SLC39A11: variants seen among roughly 807,000 people sequenced by gnomAD.
The protein encoded by SLC39A11 is solute carrier family 39 member 11.
SLC39A11 carries 33 observed loss-of-function variants against 36.1 expected under a neutral mutation model. The observed-to-expected ratio is 0.91, with a 90% CI of 0.69 to 1.22. The LOEUF is 1.22. SLC39A11 is among the 50% of genes most tolerant of loss of function. SLC39A11 has a pLI of 0.00. For missense variants in SLC39A11, 432 were observed against 430.3 expected (o/e 1.00, Z -0.03); for synonymous variants, 166 against 170.3 (o/e 0.97, Z 0.20).
intron 5 of SLC39A11, among the ~76,000 whole-genome samples, chr17:72,854,694 A>G (rs1045016168): frequency 2.0e-5 from 3 of 152,160 alleles, no homozygotes; most frequent in African/African-American, 7.2e-5. Context: ...CTTATAATTG[A>G]GCATCTAAGA....
At chr17:72,777,457 TA>T (rs1011559908) in intron 6 of SLC39A11, among the ~76,000 whole-genome samples, 7 of 152,202 alleles carry the variant, frequency 4.6e-5, no homozygotes, top group Non-Finnish European at 5.9e-5. Context: ...CATACTGGAT[TA>T]GGGTGGGTCC....
intron 5 of SLC39A11, among the ~76,000 whole-genome samples, chr17:72,905,866 G>A (rs2082631964): frequency 6.6e-6 from 1 of 151,936 alleles, no homozygotes; most frequent in South Asian, 2.1e-4. Context: ...CCATTCTCCT[G>A]CCTCAGCCTC....
In SLC39A11 at chr17:72,883,536, C is replaced by T. The variant is rs368444595; in HGVS notation, c.431-33732G>A. 4.8e-4 allele frequency among the ~76,000 whole-genome samples: 73 copies of T among 152,224 alleles called. 1 individual carries two copies. The highest frequency in any genetic ancestry group is 1.6e-3 in the African/African-American group (67 of 41,548). On this transcript the variant is annotated intron_variant, in intron 5 of 9. Coordinates refer to ENST00000255559, the MANE Select transcript of SLC39A11 (RefSeq NM_139177.4). ...GGCAGAAGCTAGCCAGTTAATTACA[C>T]GGAATCTGGGAAGGCAGGTTCTAGT...
chr17:72,786,651 GCT>G (rs57595422), intron 6 of SLC39A11, among the ~76,000 whole-genome samples: 8,174 of 152,162 alleles, frequency 0.054, 292 homozygotes, highest in African/African-American at 0.1. Context: ...GCAGCTTCTA[GCT>G]CTGTCTTAGA....
chr17:72,849,846 G>T, intron 5 of SLC39A11, 42 bp from the exon 6 acceptor site: 1 of 1,484,596 alleles, frequency 6.7e-7, no homozygotes, highest in South Asian at 1.4e-5. Context: ...GAAAGACAGC[G>T]CTTTGAACAT....
At chr17:72,949,144 C>CTTGTTTTTTTTTTTTTTT (rs2085661941) in intron 4 of SLC39A11, among the ~76,000 whole-genome samples, 1 of 36,474 alleles carries the variant, frequency 2.7e-5, no homozygotes, top group Non-Finnish European at 5.4e-5. Context: ...CACTGGGCAG[C>CTTGTTTTTTTTTTTTTTT]TTTTTTTTTT....
intron 7 of SLC39A11, among the ~76,000 whole-genome samples, chr17:72,689,779 A>C (rs1432247513): frequency 6.6e-6 from 1 of 152,214 alleles, no homozygotes; most frequent in Non-Finnish European, 1.5e-5. Flanking sequence ...TGTGGTTGCC[A>C]AAGGCTGTGG....
At chr17:72,665,777 CTCTT>C (rs938971665) in intron 7 of SLC39A11, among the ~76,000 whole-genome samples, 126 of 152,176 alleles carry the variant, frequency 8.3e-4, no homozygotes, top group Middle Eastern at 3.4e-3. Context: ...CCTAGTCTTT[CTCTT>C]TCTTTTTCTT....
intron 6 of SLC39A11, among the ~76,000 whole-genome samples, chr17:72,807,541 T>C (rs1334709626): frequency 2.0e-5 from 3 of 152,168 alleles, no homozygotes; most frequent in South Asian, 2.1e-4. Flanking sequence ...GCTAGAATTA[T>C]CAACCCCACC....
chr17:72,878,690 C>T (rs1032775329), intron 5 of SLC39A11, among the ~76,000 whole-genome samples: 3 of 152,134 alleles, frequency 2.0e-5, no homozygotes, highest in Admixed American at 6.5e-5. Flanking sequence ...TTTTTCCCTA[C>T]TCTCATATAA....
intron 5 of SLC39A11, among the ~76,000 whole-genome samples, chr17:72,884,335 A>C (rs1459405203): frequency 6.6e-6 from 1 of 152,208 alleles, no homozygotes; most frequent in East Asian, 1.9e-4. Context: ...TCTAAATTTC[A>C]TTTCAAACAA....
At chr17:72,740,317 A>C (rs907653315) in intron 6 of SLC39A11, among the ~76,000 whole-genome samples, 1 of 151,974 alleles carries the variant, frequency 6.6e-6, no homozygotes, top group Non-Finnish European at 1.5e-5. Flanking sequence ...TGCCCACCTC[A>C]GCCTCCCAAA....
At chr17:72,667,661 A>G (rs1274411333) in intron 7 of SLC39A11, among the ~76,000 whole-genome samples, 1 of 152,230 alleles carries the variant, frequency 6.6e-6, no homozygotes, top group African/African-American at 2.4e-5. Context: ...CACCCTCACC[A>G]GAGCCACTTC....
At chr17:72,958,624 G>A (rs557051898) in intron 4 of SLC39A11, among the ~76,000 whole-genome samples, 3 of 152,208 alleles carry the variant, frequency 2.0e-5, no homozygotes, top group Non-Finnish European at 4.4e-5. Flanking sequence ...GCCAAGGAAG[G>A]CATATCACCT....
chr17:72,678,878 C>T (rs970852050), intron 7 of SLC39A11, among the ~76,000 whole-genome samples: 2 of 152,026 alleles, frequency 1.3e-5, no homozygotes, highest in East Asian at 1.9e-4. Context: ...AACCTGTGTT[C>T]ATCAAGAGAA....
chr17:72,909,816 G>A (rs942402479), intron 5 of SLC39A11, among the ~76,000 whole-genome samples: 1 of 150,828 alleles, frequency 6.6e-6, no homozygotes, highest in East Asian at 1.9e-4. Flanking sequence ...CGTGATCTCG[G>A]CTCACTGCAA....
intron 3 of SLC39A11, among the ~76,000 whole-genome samples, chr17:73,041,833 G>A (rs1183172885): frequency 1.3e-5 from 2 of 152,210 alleles, no homozygotes; most frequent in Non-Finnish European, 2.9e-5. Flanking sequence ...ATATTTACAA[G>A]CTCTTCTTCA....
At chr17:72,684,360 A>AGG (rs1352963866) in intron 7 of SLC39A11, among the ~76,000 whole-genome samples, 1 of 152,242 alleles carries the variant, frequency 6.6e-6, no homozygotes, top group Non-Finnish European at 1.5e-5. Context: ...TTACAAGGTA[A>AGG]GTAACACATC....
rs371459521 is a variant in SLC39A11 at position 72,664,752 on chromosome 17, C to T, written c.672-15484G>A. Among the ~76,000 whole-genome samples, 20 of 152,362 alleles carry T rather than the reference C, an allele frequency of 1.3e-4. No homozygotes were observed. The East Asian group carries it at 3.3e-3, about 25-fold the overall frequency. On this transcript the variant is annotated intron_variant, in intron 7 of 9. Coordinates refer to ENST00000255559, the MANE Select transcript of SLC39A11 (RefSeq NM_139177.4). ...CACATCCCCTGCTGGCCTGTAATGA[C>T]TTACACATTCATGCCCTCCGTTCTC...
Sources: allele counts gnomAD v4.1 joint callset (sites outside exome capture counted in the v4.1 genomes callset), GRCh38; gene constraint gnomAD v4.1.1; transcripts MANE v1.5; gene names NCBI Gene and HGNC (gene_info 2026-07-23, HGNC 2026-07-21).